Variants in UBE2R2 observed in about 807,000 individuals in gnomAD.
UBE2R2 encodes ubiquitin-conjugating enzyme E2 R2.
Under a neutral mutation model 27.8 loss-of-function variants are expected in UBE2R2, and 1 was observed. The ratio of observed to expected loss-of-function variants is 0.04; its 90% CI spans 0.01 to 0.17. The LOEUF (loss-of-function observed/expected upper bound fraction) is 0.17, where lower values mean the gene tolerates loss of function less well. Ranked by LOEUF, UBE2R2 falls within the 10% of genes least tolerant of loss-of-function variation. UBE2R2 has a pLI of 1.00. For synonymous variants in UBE2R2, 106 were observed against 113.3 expected (o/e 0.94, Z 0.41); for missense variants, 100 against 291.0 (o/e 0.34, Z 4.78).
chr9:33,895,765 TC>T (rs1822089218), intron 2 of UBE2R2, among the ~76,000 whole-genome samples: 136 of 128,258 alleles, frequency 1.1e-3, no homozygotes, highest in African/African-American at 3.8e-3. Flanking sequence ...TCTCTCTCTC[TC>T]TCTTTTTTTT....
At chr9:33,858,429 T>C (rs907637113) in intron 1 of UBE2R2, among the ~76,000 whole-genome samples, 3 of 152,140 alleles carry the variant, frequency 2.0e-5, no homozygotes, top group Non-Finnish European at 4.4e-5. Flanking sequence ...ATTTTTTTTT[T>C]CCTCAGACGG....
At chr9:33,868,140 C>T (rs1821403583) in intron 1 of UBE2R2, among the ~76,000 whole-genome samples, 1 of 152,140 alleles carries the variant, frequency 6.6e-6, no homozygotes. Context: ...CTGTCTCTGG[C>T]AGGCCCCTCT....
chr9:33,888,607 C>G (rs1057384459), intron 2 of UBE2R2, among the ~76,000 whole-genome samples: 1 of 152,164 alleles, frequency 6.6e-6, no homozygotes, highest in Non-Finnish European at 1.5e-5. Flanking sequence ...ACCTCCACCT[C>G]CTGGGTTCAA....
intron 2 of UBE2R2, among the ~76,000 whole-genome samples, chr9:33,897,523 G>A (rs1316838275): frequency 3.3e-5 from 5 of 150,492 alleles, no homozygotes; most frequent in Non-Finnish European, 5.9e-5. Flanking sequence ...TCATCATATT[G>A]GTCAGGCTGG....
intron 2 of UBE2R2, among the ~76,000 whole-genome samples, chr9:33,896,797 C>T (rs2130805792): frequency 6.6e-6 from 1 of 151,996 alleles, no homozygotes; most frequent in Non-Finnish European, 1.5e-5. Context: ...TAATTCCCAT[C>T]TATTCATAGC....
intron 1 of UBE2R2, among the ~76,000 whole-genome samples, chr9:33,844,672 C>T (rs1017677933): frequency 5.3e-5 from 8 of 152,042 alleles, no homozygotes; most frequent in East Asian, 1.9e-4. Context: ...TCAGTCACTT[C>T]GAAGTCTGTA....
chr9:33,898,421 G>A (rs1822171661), intron 2 of UBE2R2, among the ~76,000 whole-genome samples: 1 of 151,514 alleles, frequency 6.6e-6, no homozygotes, highest in Non-Finnish European at 1.5e-5. Context: ...CATGCCTTAT[G>A]GTATCTAACC....
Position 33,887,643 on chromosome 9 carries a change from CTTTTTTGT to C in UBE2R2, c.264+679_264+686del, listed in dbSNP as rs1441491610. ...TACTCTTCACTATTCTATAAGTGTG[CTTTTTTGT>C]TTGTTTGTTTGTTTGTTTGTTTGTT... On this transcript the variant is annotated intron_variant, in intron 2 of 4. Coordinates refer to ENST00000263228, the MANE Select transcript of UBE2R2 (RefSeq NM_017811.4). 1.2e-3 allele frequency among the ~76,000 whole-genome samples: 172 copies of C among 139,968 alleles called. 1 individual carries two copies. Among genetic ancestry groups the C allele is most frequent in the Admixed American group, 2.6e-3 (34 of 13,288 alleles). 91.8% of individuals were successfully genotyped at this position (139,968 alleles called of 152,430 possible).
At chr9:33,828,168 A>T (rs1307949945) in intron 1 of UBE2R2, among the ~76,000 whole-genome samples, 1 of 150,894 alleles carries the variant, frequency 6.6e-6, no homozygotes, top group Non-Finnish European at 1.5e-5. Context: ...TGGTTGTGGT[A>T]GCACGCGCCT....
intron 1 of UBE2R2, among the ~76,000 whole-genome samples, chr9:33,864,572 T>TCA (rs1411258880): frequency 6.6e-6 from 1 of 152,172 alleles, no homozygotes. Flanking sequence ...TTTTAAGAGA[T>TCA]GGTGTCTTGC....
chr9:33,833,498 T>A (rs1017841818), intron 1 of UBE2R2, among the ~76,000 whole-genome samples: 1 of 152,242 alleles, frequency 6.6e-6, no homozygotes, highest in Admixed American at 6.5e-5. Context: ...CCGGCTGATA[T>A]GGTCGTTTCT....
chr9:33,880,424 A>G (rs1447854669), intron 1 of UBE2R2, among the ~76,000 whole-genome samples: 1 of 152,168 alleles, frequency 6.6e-6, no homozygotes, highest in African/African-American at 2.4e-5. Context: ...TTGGGGATTT[A>G]CTAAATATCT....
At position 33,915,812 on chromosome 9, in the gene UBE2R2, G is replaced by A. The variant is rs546277549; in HGVS notation, c.498-1206G>A. Among the ~76,000 whole-genome samples the A allele has an allele frequency of 1.9e-4, 29 of 152,220 alleles. 1 individual carries two copies. The South Asian group carries it at 5.2e-3, about 27-fold the overall frequency. ...AAAAATACTAGATAGTGCTAAGTAG[G>A]ATAATGTGAAAGAATGACTAGATGG... On this transcript the variant is annotated intron_variant, in intron 4 of 4. Transcript: ENST00000263228.
intron 2 of UBE2R2, among the ~76,000 whole-genome samples, chr9:33,892,659 A>C (rs1485437244): frequency 6.6e-6 from 1 of 152,130 alleles, no homozygotes; most frequent in East Asian, 1.9e-4. Flanking sequence ...CACAAGCAGG[A>C]TTTTATGCAT....
At chr9:33,888,907 G>T (rs1181190366) in intron 2 of UBE2R2, among the ~76,000 whole-genome samples, 2 of 152,202 alleles carry the variant, frequency 1.3e-5, no homozygotes, top group African/African-American at 4.8e-5. Context: ...CATTGGGGCA[G>T]CTGTGTCATT....
intron 3 of UBE2R2, among the ~76,000 whole-genome samples, chr9:33,903,324 C>A (rs907403108): frequency 6.6e-6 from 1 of 152,106 alleles, no homozygotes; most frequent in African/African-American, 2.4e-5. Flanking sequence ...ATTTTCAGGA[C>A]GAGTAATAAC....
chr9:33,834,204 CTTT>C (rs1338617494), intron 1 of UBE2R2, among the ~76,000 whole-genome samples: 1 of 122,972 alleles, frequency 8.1e-6, no homozygotes, highest in Admixed American at 8.3e-5. Flanking sequence ...TTTTTTTTTT[CTTT>C]TTTTTTTTTT....
At position 33,842,280 on chromosome 9, in the gene UBE2R2, AG is replaced by A. The variant is rs201245382; in HGVS notation, c.177+24347del. ...GCTGGGCATGGTGGTGCACACCTGTAGTCCCAGATACGCGGAAGGCTGAGGT... is the reference window on the plus strand; with the variant it reads ...GCTGGGCATGGTGGTGCACACCTGTATCCCAGATACGCGGAAGGCTGAGGT... On this transcript the variant is annotated intron_variant, in intron 1 of 4. Coordinates refer to ENST00000263228, the MANE Select transcript of UBE2R2 (RefSeq NM_017811.4). 8.3e-3 allele frequency among the ~76,000 whole-genome samples: 1,271 copies of A among 152,262 alleles called. 15 individuals are homozygous for A. Among genetic ancestry groups the A allele is most frequent in the African/African-American group, 0.028 (1,169 of 41,546 alleles).
rs188198098 is a variant in UBE2R2, at chr9:33,916,159, G to A, written c.498-859G>A. On this transcript the variant is annotated intron_variant, in intron 4 of 4. Coordinates refer to ENST00000263228, the MANE Select transcript of UBE2R2 (RefSeq NM_017811.4). Reference sequence around the variant, plus strand: ...AGTTCGAGACCAGCCTGGCCAACATGGTGAAACCCCATCTCTACTAAAAAT... The same window carrying A: ...AGTTCGAGACCAGCCTGGCCAACATAGTGAAACCCCATCTCTACTAAAAAT... Among the ~76,000 whole-genome samples the A allele has an allele frequency of 4.1e-4, 62 of 152,252 alleles. 1 individual carries two copies. Among genetic ancestry groups the A allele is most frequent in the African/African-American group, 1.5e-3 (61 of 41,546 alleles).
Sources: allele counts gnomAD v4.1 joint callset (sites outside exome capture counted in the v4.1 genomes callset), GRCh38; gene constraint gnomAD v4.1.1; transcripts MANE v1.5; gene names NCBI Gene and HGNC (gene_info 2026-07-23, HGNC 2026-07-21).